CAST: variants seen among roughly 807,000 people sequenced by gnomAD.
CAST encodes calpastatin.
A neutral mutation model predicts 119.6 loss-of-function variants in CAST; 76 were observed. The ratio of observed to expected loss-of-function variants is 0.64; its 90% confidence interval spans 0.53 to 0.77. The LOEUF is 0.77. Among genes scored for constraint, CAST ranks in the 30% least tolerant of loss-of-function variants. CAST has a pLI of 0.00. For missense variants in CAST, 953 were observed against 946.5 expected (o/e 1.01, Z -0.09); for synonymous variants, 319 against 331.6 (o/e 0.96, Z 0.41).
At chr5:96,560,901 A>C in intron 1 of CAST, among the ~76,000 whole-genome samples, 1 of 152,224 alleles carries the variant, frequency 6.6e-6, no homozygotes, top group Non-Finnish European at 1.5e-5. Flanking sequence ...ACACATGGAC[A>C]CATATGTTTA....
chr5:95,977,398 T>C, the CAST span, among the ~76,000 whole-genome samples: 1 of 152,256 alleles, frequency 6.6e-6, no homozygotes, highest in Admixed American at 6.5e-5. Flanking sequence ...CTAAAGGCTC[T>C]ACCTTTTAAT....
chr5:96,317,153 T>G, the CAST span, among the ~76,000 whole-genome samples: 1,896 of 152,132 alleles, frequency 0.012, 35 homozygotes, highest in African/African-American at 0.043. Flanking sequence ...TTAAAGCAAG[T>G]CACACGTACA....
In CAST at chr5:96,741,599, T is replaced by A. The variant is rs1448859348; in HGVS notation, c.1098+19T>A. On this transcript the variant is annotated intron_variant, in intron 15 of 31. Transcript: ENST00000675179. ...GGAGAAGGTATAGTCACAGTCTACC[T>A]GACAGCAGTTGCTTTCCAGAGCCTG... The A allele has an allele frequency of 2.6e-6, 4 of 1,546,172 alleles. No individual in the cohort carries two copies. Among genetic ancestry groups the A allele is most frequent in the Non-Finnish European group, 2.7e-6 (3 of 1,119,952 alleles).
At chr5:96,170,260 G>A in the CAST span, among the ~76,000 whole-genome samples, 1 of 152,160 alleles carries the variant, frequency 6.6e-6, no homozygotes, top group South Asian at 2.1e-4. Flanking sequence ...GTGGGGTCCT[G>A]CACAGATGGG....
chr5:96,444,383 A>G, the CAST span, among the ~76,000 whole-genome samples: 1,053 of 152,260 alleles, frequency 6.9e-3, 7 homozygotes, highest in Non-Finnish European at 0.013. Context: ...ACTGTTTTCT[A>G]TGTTTTGATG....
At chr5:96,406,740 GC>G in the CAST span, among the ~76,000 whole-genome samples, 1 of 152,202 alleles carries the variant, frequency 6.6e-6, no homozygotes. Context: ...TAAGGACACT[GC>G]TTTGTTCTCT....
intron 1 of CAST, among the ~76,000 whole-genome samples, chr5:96,588,971 G>A (rs1291834435): frequency 1.3e-5 from 2 of 152,060 alleles, no homozygotes; most frequent in African/African-American, 4.8e-5. Context: ...TAATGTTTAG[G>A]CCTCAAGAAT....
intron 1 of CAST, among the ~76,000 whole-genome samples, chr5:96,644,062 A>AG (rs1561438155): frequency 2.0e-5 from 3 of 152,102 alleles, no homozygotes; most frequent in Non-Finnish European, 2.9e-5. Flanking sequence ...AAAAAAAAAA[A>AG]AATTGAGGGT....
chr5:96,086,515 A>G, the CAST span, among the ~76,000 whole-genome samples: 1 of 152,226 alleles, frequency 6.6e-6, no homozygotes, highest in South Asian at 2.1e-4. Flanking sequence ...ACCTCAGATC[A>G]CTTTTTAGAC....
chr5:96,194,838 A>G, the CAST span, among the ~76,000 whole-genome samples: 29,373 of 152,240 alleles, frequency 0.19, 3,649 homozygotes, highest in Non-Finnish European at 0.26. Flanking sequence ...ATGCCACTCC[A>G]TTGCTGTGCA....
At chr5:96,690,234 T>C (rs1471309749) in intron 2 of CAST, among the ~76,000 whole-genome samples, 4 of 151,446 alleles carry the variant, frequency 2.6e-5, no homozygotes, top group African/African-American at 9.7e-5. Context: ...ATTTATTTAT[T>C]TATCTATTTT....
the CAST span, among the ~76,000 whole-genome samples, chr5:96,208,116 T>C: frequency 6.6e-6 from 1 of 151,344 alleles, no homozygotes; most frequent in Admixed American, 6.6e-5. Flanking sequence ...GTGTTCATAA[T>C]AGCCTCTGAT....
intron 1 of CAST, among the ~76,000 whole-genome samples, chr5:96,550,592 G>A (rs1368413147): frequency 2.6e-5 from 4 of 152,222 alleles, no homozygotes; most frequent in Admixed American, 2.0e-4. Flanking sequence ...GTAGGCTTCA[G>A]AAGGTTGGTA....
the CAST span, among the ~76,000 whole-genome samples, chr5:96,327,474 A>G: frequency 6.6e-6 from 1 of 152,254 alleles, no homozygotes; most frequent in Non-Finnish European, 1.5e-5. Context: ...GTAGCTAACC[A>G]GTGCCATCCT....
At chr5:96,468,926 G>A in the CAST span, among the ~76,000 whole-genome samples, 1 of 152,068 alleles carries the variant, frequency 6.6e-6, no homozygotes, top group Non-Finnish European at 1.5e-5. Flanking sequence ...TTGCCTTTGA[G>A]CTTTAGTTAA....
upstream of CAST, chr5:96,662,153 G>A: frequency 2.6e-6 from 1 of 391,408 alleles, no homozygotes. Context: ...CTGGGGCCGG[G>A]GCGGGTCACC....
At chr5:96,743,381 G>GAAGGAAAGGAGAGAGT (rs1478001669) in intron 16 of CAST, among the ~76,000 whole-genome samples, 1 of 152,210 alleles carries the variant, frequency 6.6e-6, no homozygotes, top group East Asian at 1.9e-4. Context: ...GTCCTCTGGG[G>GAAGGAAAGGAGAGAGT]TGAAAGAGGA....
chr5:96,356,657 A>C, the CAST span, among the ~76,000 whole-genome samples: 3 of 152,056 alleles, frequency 2.0e-5, no homozygotes, highest in Non-Finnish European at 2.9e-5. Flanking sequence ...GTGTGGCATT[A>C]TTTTTGAGGC....
In CAST at chr5:96,619,113, T is replaced by C. The variant is rs150395011; in HGVS notation, c.61-56426T>C. 7.1e-3 allele frequency among the ~76,000 whole-genome samples: 1,074 copies of C among 152,294 alleles called. 16 individuals are homozygous for C. The highest frequency in any genetic ancestry group is 0.025 in the African/African-American group (1,034 of 41,546). ...ATCTAGTGTGGACTTGGAGAACTTT[T>C]ATGTCTAGCTAGAGGATTGTAAATG... is the stretch of plus-strand genomic sequence containing the variant. On this transcript the variant is annotated intron_variant, in intron 1 of 11. Transcript: ENST00000505143.
Sources: allele counts gnomAD v4.1 joint callset (sites outside exome capture counted in the v4.1 genomes callset), GRCh38; gene constraint gnomAD v4.1.1; transcripts MANE v1.5; gene names NCBI Gene and HGNC (gene_info 2026-07-23, HGNC 2026-07-21).